SPAG16: variants seen among roughly 807,000 people sequenced by gnomAD.
SPAG16 encodes sperm-associated antigen 16 protein.
In SPAG16, 86 loss-of-function variants were observed where a neutral mutation model predicts 80.4. The observed-to-expected ratio is 1.07, with a 90% CI of 0.90 to 1.28. The LOEUF (loss-of-function observed/expected upper bound fraction) is 1.28, where lower values mean the gene tolerates loss of function less well. SPAG16 is among the 50% of genes most tolerant of loss of function. The pLI is 0.00. For missense variants in SPAG16, 870 were observed against 765.3 expected, an observed-to-expected ratio of 1.14 and a Z score of -1.61; for synonymous variants, 294 against 265.9, an observed-to-expected ratio of 1.11 and a Z score of -1.03.
intron 10 of SPAG16, among the ~76,000 whole-genome samples, chr2:213,658,071 C>T (rs1277394652): frequency 6.6e-6 from 1 of 150,584 alleles, no homozygotes; most frequent in East Asian, 1.9e-4. Flanking sequence ...TACTTGGTTA[C>T]TCATGCAACA....
At chr2:213,343,157 C>G (rs1055708144) in intron 6 of SPAG16, among the ~76,000 whole-genome samples, 1 of 152,038 alleles carries the variant, frequency 6.6e-6, no homozygotes, top group African/African-American at 2.4e-5. Flanking sequence ...AAACTCTGAG[C>G]AAAATAGAGA....
intron 7 of SPAG16, among the ~76,000 whole-genome samples, chr2:213,357,172 C>A (rs1463835010): frequency 6.6e-6 from 1 of 152,032 alleles, no homozygotes; most frequent in African/African-American, 2.4e-5. Context: ...TGCTTTACTT[C>A]CAATTATATG....
intron 15 of SPAG16, among the ~76,000 whole-genome samples, chr2:214,184,081 T>C (rs1335690446): frequency 1.3e-5 from 2 of 151,932 alleles, no homozygotes; most frequent in Admixed American, 6.6e-5. Flanking sequence ...TAACAAAGAG[T>C]TGGCAAACCA....
Position 213,652,633 on chromosome 2 carries a change from G to A in SPAG16, c.1070+162543G>A, listed in dbSNP as rs77916844. Among the ~76,000 whole-genome samples the A allele has an allele frequency of 2.0e-4, 31 of 151,778 alleles. 1 individual carries two copies. The South Asian group carries it at 2.1e-3, about 10-fold the overall frequency. The stretch of plus-strand genomic sequence containing the variant: ...TGTCATGGTTATAATTTGCATTTTC[G>A]TAAAGCTAATTATATCAGACATTTT... On this transcript the variant is annotated intron_variant, in intron 10 of 15. Coordinates refer to ENST00000331683, the MANE Select transcript of SPAG16 (RefSeq NM_024532.5).
intron 10 of SPAG16, among the ~76,000 whole-genome samples, chr2:213,780,956 G>GACAATAGTA (rs1559463670): frequency 8.5e-5 from 13 of 152,142 alleles, no homozygotes; most frequent in African/African-American, 3.1e-4. Flanking sequence ...ACTATTGGTA[G>GACAATAGTA]TCCACAGAAG....
At chr2:214,082,797 C>T (rs952533501) in intron 13 of SPAG16, among the ~76,000 whole-genome samples, 9 of 152,166 alleles carry the variant, frequency 5.9e-5, no homozygotes, top group Non-Finnish European at 1.0e-4. Context: ...ACAGATTCAA[C>T]CTTTATGATA....
intron 12 of SPAG16, among the ~76,000 whole-genome samples, chr2:213,977,010 G>A (rs1269946531): frequency 5.3e-5 from 8 of 152,004 alleles, no homozygotes; most frequent in Non-Finnish European, 1.2e-4. Flanking sequence ...TTTGTGAGAA[G>A]TGGTTACAGT....
intron 10 of SPAG16, among the ~76,000 whole-genome samples, chr2:213,583,465 T>C (rs943901820): frequency 2.6e-5 from 4 of 152,312 alleles, no homozygotes; most frequent in African/African-American, 9.6e-5. Flanking sequence ...TTGACCTTCT[T>C]TAGAAATGAC....
chr2:213,371,731 G>A (rs114533332), intron 8 of SPAG16, among the ~76,000 whole-genome samples: 1,994 of 152,098 alleles, frequency 0.013, 22 homozygotes, highest in South Asian at 0.038. Flanking sequence ...TCTAAATTTA[G>A]GGAATAAGAT....
At chr2:213,299,306 C>CA (rs1261572563) in intron 3 of SPAG16, among the ~76,000 whole-genome samples, 1 of 142,702 alleles carries the variant, frequency 7.0e-6, no homozygotes, top group African/African-American at 2.6e-5. Flanking sequence ...TTATGATTTC[C>CA]TTTTTTTTTT....
At chr2:213,383,043 C>G (rs1170745595) in intron 9 of SPAG16, among the ~76,000 whole-genome samples, 1 of 152,160 alleles carries the variant, frequency 6.6e-6, no homozygotes, top group East Asian at 1.9e-4. Context: ...TATGGCACAG[C>G]CCATATGTTC....
At chr2:213,644,076 C>T (rs77842633) in intron 10 of SPAG16, among the ~76,000 whole-genome samples, 1,946 of 151,112 alleles carry the variant, frequency 0.013, 47 homozygotes, top group African/African-American at 0.043. Context: ...ACACCACGCC[C>T]GGCCCAAGCT....
At chr2:213,702,743 T>C (rs1235192676) in intron 10 of SPAG16, among the ~76,000 whole-genome samples, 1 of 152,180 alleles carries the variant, frequency 6.6e-6, no homozygotes, top group Non-Finnish European at 1.5e-5. Context: ...TTTGACACAT[T>C]AAAATCTCAA....
At chr2:214,041,464 T>A (rs572585333) in intron 13 of SPAG16, among the ~76,000 whole-genome samples, 25 of 151,558 alleles carry the variant, frequency 1.6e-4, no homozygotes, top group African/African-American at 5.3e-4. Flanking sequence ...TTTTTTTTTT[T>A]AAATCATGGC....
At chr2:214,017,265 C>T (rs1005218216) in intron 13 of SPAG16, among the ~76,000 whole-genome samples, 2 of 152,128 alleles carry the variant, frequency 1.3e-5, no homozygotes, top group Non-Finnish European at 2.9e-5. Context: ...GCTTCTCAGA[C>T]ATTGATGCAG....
intron 15 of SPAG16, among the ~76,000 whole-genome samples, chr2:214,173,068 G>A (rs1009777791): frequency 4.0e-5 from 6 of 151,848 alleles, no homozygotes; most frequent in African/African-American, 1.2e-4. Context: ...TCTGATGGTA[G>A]TTTCTTTTGC....
rs1328540138 is a variant in SPAG16 at position 213,780,912 on chromosome 2, AT to A, written c.1071-81571del. Among the ~76,000 whole-genome samples, 4 of 152,142 alleles carry A rather than the reference AT, an allele frequency of 2.6e-5. No homozygotes were observed. In the East Asian group the frequency reaches 7.7e-4, roughly 29 times the overall value. ...TCACAATCAATTTCTAATAGTATAC[AT>A]TACCACTAGCTGTATATCATATTCC... On this transcript the variant is annotated intron_variant, in intron 10 of 15. Coordinates refer to ENST00000331683, the MANE Select transcript of SPAG16 (RefSeq NM_024532.5).
At chr2:214,215,797 A>G (rs2058417436) in intron 15 of SPAG16, among the ~76,000 whole-genome samples, 1 of 152,166 alleles carries the variant, frequency 6.6e-6, no homozygotes, top group Non-Finnish European at 1.5e-5. Flanking sequence ...TATAAGCTTA[A>G]TCTGTCAATA....
At chr2:213,821,919 T>A (rs1014059063) in intron 10 of SPAG16, among the ~76,000 whole-genome samples, 2 of 152,220 alleles carry the variant, frequency 1.3e-5, no homozygotes, top group African/African-American at 4.8e-5. Context: ...CCATTTTTTA[T>A]ATGTACCACA....
Sources: gnomAD v4.1 joint callset for allele counts (sites outside exome capture counted in the v4.1 genomes callset) on GRCh38, gnomAD v4.1.1 for gene constraint, MANE v1.5 for transcripts, NCBI Gene and HGNC (gene_info 2026-07-23, HGNC 2026-07-21) for gene names.